PLB1: variants seen among roughly 807,000 people sequenced by gnomAD.
PLB1 encodes the protein phospholipase B1, membrane-associated.
A neutral mutation model predicts 227.4 loss-of-function variants in PLB1; 242 were observed. The ratio of observed to expected loss-of-function variants is 1.06; its 90% CI spans 0.96 to 1.18. The LOEUF is 1.18. Ranked by LOEUF, PLB1 falls within the 50% of genes most tolerant of loss-of-function variation. The pLI, the probability that PLB1 is intolerant of heterozygous loss-of-function variation, is 0.00. For missense variants in PLB1, 1,858 were observed against 1,816.3 expected, an observed-to-expected ratio of 1.02 and a Z score of -0.42; for synonymous variants, 757 against 682.2, an observed-to-expected ratio of 1.11 and a Z score of -1.71.
intron 19 of PLB1, chr2:28,566,455 G>A (rs754026406): frequency 2.2e-4 from 56 of 254,974 alleles, no homozygotes; most frequent in Non-Finnish European, 3.9e-4. Context: ...TAATATTAAT[G>A]CACGCTGCAG....
At chr2:28,551,270 G>A (rs575064187) in intron 16 of PLB1, among the ~76,000 whole-genome samples, 1 of 152,330 alleles carries the variant, frequency 6.6e-6, no homozygotes, top group South Asian at 2.1e-4. Context: ...CCTGACGGGC[G>A]CTCATGCCTT....
At chr2:28,636,848 A>G (rs1202471036) in intron 56 of PLB1, among the ~76,000 whole-genome samples, 12 of 152,090 alleles carry the variant, frequency 7.9e-5, no homozygotes, top group Non-Finnish European at 1.5e-5. Flanking sequence ...TCACTGGGGG[A>G]TGAATAGTCC....
At chr2:28,541,341 C>T (rs771106282) in intron 12 of PLB1, among the ~76,000 whole-genome samples, 6 of 152,202 alleles carry the variant, frequency 3.9e-5, no homozygotes, top group East Asian at 3.9e-4. Context: ...GTATCTCTCT[C>T]GCTCTGGAAA....
At position 28,547,556 on chromosome 2, in the gene PLB1, C is replaced by T. The variant is rs879691678; in HGVS notation, c.937-1304C>T. The stretch of plus-strand genomic sequence containing the variant: ...GGGCACAGATGCTGGGGTAAGATAC[C>T]GCTGAGGAATCTGAAAATCCTCATG... On this transcript the variant is annotated intron_variant, in intron 14 of 57. Coordinates refer to ENST00000327757, the MANE Select transcript of PLB1 (RefSeq NM_153021.5). Among the ~76,000 whole-genome samples the T allele has an allele frequency of 3.9e-5, 6 of 152,252 alleles. No individual in the cohort carries two copies. The East Asian group carries it at 9.7e-4, about 25-fold the overall frequency.
At chr2:28,532,777 T>A (rs1158351312) in intron 9 of PLB1, among the ~76,000 whole-genome samples, 2 of 152,196 alleles carry the variant, frequency 1.3e-5, no homozygotes, top group African/African-American at 2.4e-5. Flanking sequence ...CTATTTGTGG[T>A]GGGAAAGCTG....
intron 8 of PLB1, among the ~76,000 whole-genome samples, chr2:28,531,623 T>TA (rs1174186724): frequency 6.6e-6 from 1 of 152,248 alleles, no homozygotes; most frequent in Admixed American, 6.5e-5. Context: ...AGATACTTTT[T>TA]ATAACCTCAA....
intron 54 of PLB1, among the ~76,000 whole-genome samples, chr2:28,631,011 C>T (rs1205273788): frequency 2.0e-5 from 3 of 151,916 alleles, no homozygotes; most frequent in East Asian, 1.9e-4. Flanking sequence ...GGCTTAGGCC[C>T]GACACAATGG....
intron 22 of PLB1, among the ~76,000 whole-genome samples, chr2:28,578,618 G>A (rs1294012237): frequency 6.6e-6 from 1 of 152,086 alleles, no homozygotes; most frequent in East Asian, 1.9e-4. Flanking sequence ...GCAAGGAGCA[G>A]TACCAAAAAA....
At position 28,614,095 on chromosome 2, in the gene PLB1, A is replaced by AG. The variant is rs1253971423; in HGVS notation, c.3195+1dup. 1.2e-6 allele frequency: 2 copies of AG among 1,610,864 alleles called. No homozygotes were observed. The highest frequency in any genetic ancestry group is 1.7e-6 in the Non-Finnish European group (2 of 1,177,212). On this transcript the variant is annotated frameshift_variant and splice_region_variant, in exon 44 of 58. Transcript: ENST00000327757. LOFTEE classifies it high-confidence loss of function. ...ACGTACCCCATCAAGCCAGCCATTGAGGTAACCCCTGACTCACATCTGCCT... is the reference window on the plus strand; with the variant it reads ...ACGTACCCCATCAAGCCAGCCATTGAGGGTAACCCCTGACTCACATCTGCCT...
chr2:28,516,175 TA>T (rs1392456419), intron 1 of PLB1, among the ~76,000 whole-genome samples: 1 of 152,232 alleles, frequency 6.6e-6, no homozygotes, highest in Non-Finnish European at 1.5e-5. Context: ...GTAAGTCAAT[TA>T]CACTTTTAAA....
rs1558919838 is a variant in PLB1, at chr2:28,614,086, C to T, written c.3185C>T (p.Pro1062Leu). 6.2e-7 allele frequency: 1 copy of T among 1,612,628 alleles called. No individual in the cohort carries two copies. Among genetic ancestry groups the T allele is most frequent in the Non-Finnish European group, 8.5e-7 (1 of 1,178,720 alleles). Residue 1062 changes from proline (P) to leucine (L), a missense_variant, in exon 44 of 58, where the codon CCA becomes CTA. Transcript: ENST00000327757. Reference sequence around the variant, plus strand: ...AGTAACTACACGTACCCCATCAAGCCAGCCATTGAGGTAACCCCTGACTCA... The same window carrying T: ...AGTAACTACACGTACCCCATCAAGCTAGCCATTGAGGTAACCCCTGACTCA... ...RNSNYTYPIK[P>L]AIENWGSDFL... is the part of the protein sequence containing the mutation.
chr2:28,500,320 T>C (rs150000314), intron 1 of PLB1, among the ~76,000 whole-genome samples: 21 of 152,332 alleles, frequency 1.4e-4, no homozygotes, highest in African/African-American at 4.1e-4. Context: ...AATCCCCTAG[T>C]TGGTGATGCC....
At chr2:28,613,164 A>G (rs974275224) in intron 43 of PLB1, among the ~76,000 whole-genome samples, 1 of 151,994 alleles carries the variant, frequency 6.6e-6, no homozygotes, top group Non-Finnish European at 1.5e-5. Flanking sequence ...GCCCCAAGCA[A>G]TCCTCCTACC....
chr2:28,527,224 G>A (rs1456884492), intron 6 of PLB1, among the ~76,000 whole-genome samples: 1 of 152,184 alleles, frequency 6.6e-6, no homozygotes, highest in East Asian at 1.9e-4. Flanking sequence ...ACAAGTCTGA[G>A]TGCCCCTCTC....
At chr2:28,628,663 A>C in intron 52 of PLB1, 35 bp downstream of exon 52, 1 of 1,602,144 alleles carries the variant, frequency 6.2e-7, no homozygotes, top group Non-Finnish European at 8.6e-7. Context: ...GGGTCCCGCC[A>C]GCCACCTCCC....
intron 56 of PLB1, among the ~76,000 whole-genome samples, chr2:28,635,754 G>T (rs1689218836): frequency 6.6e-6 from 1 of 152,188 alleles, no homozygotes; most frequent in South Asian, 2.1e-4. Context: ...CTCTTCCTCT[G>T]CCTTCTTCTG....
In PLB1 at chr2:28,573,218, C is replaced by G; in HGVS notation, c.1346C>G (p.Pro449Arg). ...TLANILREFN[P>R]SLKGFSVGTG... ...GCAGACATCCTCCGGGAATTCAACC[C>G]TTCCCTGAAGGGCTTCTCTGTTGGC... is the stretch of plus-strand genomic sequence containing the variant. The change falls in exon 21 of 58, where the codon CCT becomes CGT. Residue 449 changes from proline (P) to arginine (R), a missense_variant. By Grantham distance (103) the Pro-to-Arg change is moderately radical. Transcript: ENST00000327757. 1.2e-6 allele frequency: 2 copies of G among 1,613,988 alleles called. No individual in the cohort carries two copies. Among genetic ancestry groups the G allele is most frequent in the Non-Finnish European group, 1.7e-6 (2 of 1,179,870 alleles).
chr2:28,550,156 G>A (rs1217189995), intron 16 of PLB1, 72 bp downstream of exon 16: 4 of 1,199,498 alleles, frequency 3.3e-6, no homozygotes, highest in African/African-American at 1.6e-5. Flanking sequence ...TGAATCTTTC[G>A]AACCTTCCAC....
chr2:28,558,143 G>T (rs1675437124), intron 17 of PLB1, among the ~76,000 whole-genome samples: 2 of 115,680 alleles, frequency 1.7e-5, no homozygotes, highest in African/African-American at 3.1e-5. Flanking sequence ...AACATAGGGG[G>T]GTGTGTGTGT....
Sources: allele counts gnomAD v4.1 joint callset (sites outside exome capture counted in the v4.1 genomes callset), GRCh38; gene constraint gnomAD v4.1.1; transcripts MANE v1.5; gene names NCBI Gene and HGNC (gene_info 2026-07-23, HGNC 2026-07-21).